Variants in C13orf42 observed in about 807,000 individuals in gnomAD.
The protein encoded by C13orf42 is chromosome 13 open reading frame 42.
chr13:51,102,116 G>A (rs888735925), intron 1 of C13orf42, among the ~76,000 whole-genome samples: 8 of 152,096 alleles, frequency 5.3e-5, no homozygotes, highest in Non-Finnish European at 1.0e-4. Context: ...AGTTCATATT[G>A]AATTTTTACT....
At chr13:51,151,177 T>C (rs1448376685) in intron 1 of C13orf42, among the ~76,000 whole-genome samples, 1 of 152,056 alleles carries the variant, frequency 6.6e-6, no homozygotes, top group Non-Finnish European at 1.5e-5. Flanking sequence ...TTACACCACA[T>C]GGTAAAGGGA....
rs149349729 is a variant in C13orf42, at chr13:51,106,797, T to C, written c.414+3999A>G. Among the ~76,000 whole-genome samples, 568 of 152,270 alleles carry C rather than the reference T, an allele frequency of 3.7e-3. 2 individuals carry two copies. Among genetic ancestry groups the C allele is most frequent in the African/African-American group, 0.013 (546 of 41,552 alleles). The stretch of plus-strand genomic sequence containing the variant: ...TCCTTGACAAGACACACTTCAAACA[T>C]GCCATCCTTCTGCCACACACATTAT... On this transcript the variant is annotated intron_variant, in intron 1 of 3. Coordinates refer to ENST00000563710, the MANE Select transcript of C13orf42 (RefSeq NM_001351589.3).
chr13:51,166,467 T>G (rs1953902604), intron 1 of C13orf42, among the ~76,000 whole-genome samples: 2 of 126,658 alleles, frequency 1.6e-5, no homozygotes, highest in African/African-American at 5.7e-5. Flanking sequence ...GGGGGAGGGA[T>G]AGCATCGGGA....
chr13:51,099,567 TA>T (rs1452197369), intron 1 of C13orf42, among the ~76,000 whole-genome samples: 1 of 152,220 alleles, frequency 6.6e-6, no homozygotes, highest in East Asian at 1.9e-4. Flanking sequence ...TTGTTTCTGG[TA>T]ACAGGTTGTA....
chr13:51,137,859 A>G (rs1179182534), intron 1 of C13orf42, among the ~76,000 whole-genome samples: 2 of 152,154 alleles, frequency 1.3e-5, no homozygotes, highest in Non-Finnish European at 2.9e-5. Flanking sequence ...CTTCTCCAAA[A>G]AGACCCACAA....
chr13:51,114,375 A>C (rs1434332105), upstream of C13orf42, among the ~76,000 whole-genome samples: 1 of 152,156 alleles, frequency 6.6e-6, no homozygotes, highest in Non-Finnish European at 1.5e-5. Flanking sequence ...CCTTTGCCCT[A>C]CATCTTCTCA....
intron 1 of C13orf42, among the ~76,000 whole-genome samples, chr13:51,094,855 G>A (rs1702986378): frequency 6.6e-6 from 1 of 151,980 alleles, no homozygotes; most frequent in Non-Finnish European, 1.5e-5. Context: ...TTGAATTGTA[G>A]CTCCCATAAT....
intron 1 of C13orf42, among the ~76,000 whole-genome samples, chr13:51,092,215 T>G (rs1167358652): frequency 2.6e-5 from 4 of 152,224 alleles, no homozygotes; most frequent in Admixed American, 2.6e-4. Flanking sequence ...TCCTTTATCA[T>G]ATAAACCACA....
intron 1 of C13orf42, among the ~76,000 whole-genome samples, chr13:51,101,808 G>A (rs980318454): frequency 6.6e-6 from 1 of 152,210 alleles, no homozygotes; most frequent in Non-Finnish European, 1.5e-5. Context: ...GAAATCCACT[G>A]TGTGGAATTG....
At position 51,087,349 on chromosome 13, in the gene C13orf42, G is replaced by A. The variant is rs375743444; in HGVS notation, c.562+579C>T. On this transcript the variant is annotated intron_variant, in intron 2 of 3. Transcript: ENST00000563710. ...TGCACCACCCTACTACCTAGCCTACGTATGGTCAGAAGCTGGATTCTCAAA... is the reference window on the plus strand; with the variant it reads ...TGCACCACCCTACTACCTAGCCTACATATGGTCAGAAGCTGGATTCTCAAA... 1.2e-4 allele frequency among the ~76,000 whole-genome samples: 19 copies of A among 152,276 alleles called. No individual in the cohort carries two copies. The East Asian group carries it at 3.5e-3, about 28-fold the overall frequency.
Position 51,083,992 on chromosome 13 carries a change from G to T in C13orf42, c.*159C>A. The T allele has an allele frequency of 2.5e-6, 1 of 393,000 alleles. No homozygotes were observed. Among genetic ancestry groups the T allele is most frequent in the Non-Finnish European group, 4.5e-6 (1 of 223,046 alleles). 24.3% of individuals were successfully genotyped at this position (393,000 alleles called of 1,614,324 possible). The stretch of plus-strand genomic sequence containing the variant: ...AGACCTGTCCCCTGGGAAGCCACAG[G>T]TCTGTTTGGCACTGGCACGGCACCA... On this transcript the variant is annotated 3_prime_UTR_variant, in exon 4 of 4. Coordinates refer to ENST00000563710, the MANE Select transcript of C13orf42 (RefSeq NM_001351589.3).
At chr13:51,166,634 T>C (rs1953904194) in intron 1 of C13orf42, among the ~76,000 whole-genome samples, 1 of 150,016 alleles carries the variant, frequency 6.7e-6, no homozygotes, top group Non-Finnish European at 1.5e-5. Context: ...GGAATTTGAA[T>C]AAAACACTGT....
At chr13:51,127,827 AC>A (rs981020401) in intron 1 of C13orf42, among the ~76,000 whole-genome samples, 37 of 152,330 alleles carry the variant, frequency 2.4e-4, no homozygotes, top group African/African-American at 8.7e-4. Flanking sequence ...AGGTGTATGA[AC>A]CAGAGCAACT....
rs764486974 is a variant in C13orf42 at position 51,085,492 on chromosome 13, G to A, written c.630C>T (p.Ser210=). ...NWILRAPRRH[S]EDIAAHTVHT... is the part of the protein sequence containing the mutation. ...GCACAGTGTGGGCAGCGATATCCTC[G>A]GAGTGTCTGCGCGGTGCCCGCAGGA... The change falls in exon 3 of 4, where the codon TCC becomes TCT. Residue 210 remains serine, a synonymous_variant. Transcript: ENST00000563710. The A allele has an allele frequency of 1.0e-4, 40 of 398,518 alleles. No individual in the cohort carries two copies. The highest frequency in any genetic ancestry group is 1.2e-3 in the Middle Eastern group (2 of 1,610). The allele number at this position is 398,518 out of a possible 1,614,324, so 24.7% of individuals were successfully genotyped here.
At chr13:51,169,422 G>GAA (rs144099190) in intron 1 of C13orf42, among the ~76,000 whole-genome samples, 1 of 152,108 alleles carries the variant, frequency 6.6e-6, no homozygotes, top group Non-Finnish European at 1.5e-5. Context: ...TGGTAGAAAA[G>GAA]AAAAACCCAT....
At chr13:51,152,490 A>G (rs954066405) in intron 1 of C13orf42, among the ~76,000 whole-genome samples, 1 of 152,148 alleles carries the variant, frequency 6.6e-6, no homozygotes, top group African/African-American at 2.4e-5. Flanking sequence ...CTGGAACTAC[A>G]GGTGCATGCC....
intron 1 of C13orf42, among the ~76,000 whole-genome samples, chr13:51,135,509 C>A (rs1341539555): frequency 6.6e-6 from 1 of 151,480 alleles, no homozygotes; most frequent in African/African-American, 2.4e-5. Context: ...TTTAATTGAC[C>A]AGTCATGGTG....
At chr13:51,108,471 C>T (rs930226790) in intron 1 of C13orf42, among the ~76,000 whole-genome samples, 1 of 152,192 alleles carries the variant, frequency 6.6e-6, no homozygotes, top group Non-Finnish European at 1.5e-5. Flanking sequence ...GGCCACCCCA[C>T]CAGCCATGAA....
chr13:51,120,850 C>A (rs1217041287), intron 1 of C13orf42, among the ~76,000 whole-genome samples: 1 of 152,070 alleles, frequency 6.6e-6, no homozygotes, highest in Non-Finnish European at 1.5e-5. Context: ...CCTGTCTCTA[C>A]TAAAAATACA....
Sources: gnomAD v4.1 joint callset for allele counts (sites outside exome capture counted in the v4.1 genomes callset) on GRCh38, gnomAD v4.1.1 for gene constraint, MANE v1.5 for transcripts, NCBI Gene and HGNC (gene_info 2026-07-23, HGNC 2026-07-21) for gene names.